ST3GAL1: variants seen among roughly 807,000 people sequenced by gnomAD.
ST3GAL1 encodes CMP-N-acetylneuraminate-beta-galactosamide-alpha-2,3-sialyltransferase 1.
Under a neutral mutation model 34.1 loss-of-function variants are expected in ST3GAL1, and 16 were observed. That is an observed-to-expected ratio of 0.47 (90% confidence interval 0.32 to 0.71). The LOEUF (loss-of-function observed/expected upper bound fraction) is 0.71, where lower values mean the gene tolerates loss of function less well. Among genes scored for constraint, ST3GAL1 ranks in the 30% least tolerant of loss-of-function variants. The pLI, the probability that ST3GAL1 is intolerant of heterozygous loss-of-function variation, is 0.04. For missense variants in ST3GAL1, 353 were observed against 447.4 expected, an observed-to-expected ratio of 0.79 and a Z score of 1.90; for synonymous variants, 191 against 184.7, an observed-to-expected ratio of 1.03 and a Z score of -0.28.
chr8:133,537,617 G>T (rs1053289011), intron 2 of ST3GAL1, among the ~76,000 whole-genome samples: 7 of 152,154 alleles, frequency 4.6e-5, no homozygotes, highest in Non-Finnish European at 7.4e-5. Flanking sequence ...CATCCAGGAG[G>T]GGTGCCAGGC....
rs143831622 is a variant in ST3GAL1, at chr8:133,565,522, T to C, written c.-582+6171A>G. ...GGTGCTACAGCATCCCCTGCTGACT[T>C]CTCTGAATGTGGGCACCATCTCTGG... On this transcript the variant is annotated intron_variant, in intron 1 of 9. Coordinates refer to ENST00000522652, the MANE Select transcript of ST3GAL1 (RefSeq NM_173344.3). Among the ~76,000 whole-genome samples, 511 of 152,240 alleles carry C rather than the reference T, an allele frequency of 3.4e-3. 3 individuals carry two copies. The highest frequency in any genetic ancestry group is 0.012 in the African/African-American group (487 of 41,528).
At chr8:133,472,071 C>T (rs980284045) in intron 5 of ST3GAL1, among the ~76,000 whole-genome samples, 1 of 151,842 alleles carries the variant, frequency 6.6e-6, no homozygotes, top group East Asian at 1.9e-4. Context: ...GACAGAGACC[C>T]GAGGAGAGGG....
chr8:133,545,164 G>C (rs1292134563), intron 2 of ST3GAL1, among the ~76,000 whole-genome samples: 2 of 152,264 alleles, frequency 1.3e-5, no homozygotes, highest in Non-Finnish European at 2.9e-5. Context: ...AAGTGGTTCT[G>C]TGTGGACAGC....
At chr8:133,470,017 T>A (rs1385429998) in intron 5 of ST3GAL1, among the ~76,000 whole-genome samples, 1 of 152,144 alleles carries the variant, frequency 6.6e-6, no homozygotes, top group Non-Finnish European at 1.5e-5. Flanking sequence ...TCATAGTAAG[T>A]CCTCCCCACA....
At chr8:133,543,808 T>C (rs1563735798) in intron 2 of ST3GAL1, among the ~76,000 whole-genome samples, 1 of 152,064 alleles carries the variant, frequency 6.6e-6, no homozygotes, top group Non-Finnish European at 1.5e-5. Context: ...ATCATCATCA[T>C]CATCATCATC....
At position 133,570,127 on chromosome 8, in the gene ST3GAL1, C is replaced by T. The variant is rs375730035; in HGVS notation, c.-582+1566G>A. The T allele has an allele frequency of 5.6e-4, 86 of 152,490 alleles. No individual in the cohort carries two copies. In the East Asian group the frequency reaches 7.1e-3, roughly 13 times the overall value. The allele number at this position is 152,490 out of a possible 1,614,324, so 9.4% of individuals were successfully genotyped here. A position where few individuals can be genotyped will look rare whatever the true frequency, so the allele number is the denominator to read the frequency against. On this transcript the variant is annotated intron_variant, in intron 1 of 9. Transcript: ENST00000522652. The surrounding 1 kb of genome is among the most constrained non-coding windows in gnomAD (Gnocchi z 5.6). ...CCTCTCACCCCGTTTTCCTCGTTGG[C>T]GAGTCGGCCTCGCCTCCTCCTCCCG... is the stretch of plus-strand genomic sequence containing the variant.
At chr8:133,533,054 C>G in intron 2 of ST3GAL1, among the ~76,000 whole-genome samples, 1 of 152,192 alleles carries the variant, frequency 6.6e-6, no homozygotes, top group East Asian at 1.9e-4. Flanking sequence ...AGAGGAATTA[C>G]TCAGGGGCCA....
chr8:133,493,033 C>T (rs74988767), intron 3 of ST3GAL1, among the ~76,000 whole-genome samples: 7,082 of 151,454 alleles, frequency 0.047, 191 homozygotes, highest in Middle Eastern at 0.078. Context: ...GTGCTAGAGA[C>T]AGCTCTGTCC....
In ST3GAL1 at chr8:133,529,135, G is replaced by A. The variant is rs111386759; in HGVS notation, c.-429+16639C>T. 9.1e-3 allele frequency among the ~76,000 whole-genome samples: 1,392 copies of A among 152,306 alleles called. 10 individuals are homozygous for A. Among genetic ancestry groups the A allele is most frequent in the Non-Finnish European group, 0.014 (927 of 68,026 alleles). Reference sequence around the variant, plus strand: ...GGGCAGGGCCAGGCATACGGGGCTCGCGGGCCAACCCCTGTGGTGATGGGT... The same window carrying A: ...GGGCAGGGCCAGGCATACGGGGCTCACGGGCCAACCCCTGTGGTGATGGGT... On this transcript the variant is annotated intron_variant, in intron 2 of 9. Coordinates refer to ENST00000522652, the MANE Select transcript of ST3GAL1 (RefSeq NM_173344.3).
At chr8:133,537,562 T>C (rs1301754984) in intron 2 of ST3GAL1, among the ~76,000 whole-genome samples, 1 of 152,160 alleles carries the variant, frequency 6.6e-6, no homozygotes, top group African/African-American at 2.4e-5. Flanking sequence ...AATCCAATAA[T>C]CATCCTAACA....
chr8:133,512,443 G>T (rs1008018240), intron 2 of ST3GAL1, among the ~76,000 whole-genome samples: 2 of 152,252 alleles, frequency 1.3e-5, no homozygotes, highest in Admixed American at 1.3e-4. Flanking sequence ...TTCAGATTGA[G>T]GGTGGGTCTG....
chr8:133,553,354 C>T (rs1222722896), intron 1 of ST3GAL1, among the ~76,000 whole-genome samples: 1 of 152,198 alleles, frequency 6.6e-6, no homozygotes, highest in East Asian at 1.9e-4. Context: ...ACCAGCCTTG[C>T]CCGTGTGCCT....
At chr8:133,519,600 C>T (rs1409330435) in intron 2 of ST3GAL1, among the ~76,000 whole-genome samples, 1 of 152,120 alleles carries the variant, frequency 6.6e-6, no homozygotes, top group Non-Finnish European at 1.5e-5. Flanking sequence ...TTATCCATAA[C>T]AGAATTACCT....
At chr8:133,496,314 G>A (rs1816944827) in intron 3 of ST3GAL1, among the ~76,000 whole-genome samples, 1 of 152,180 alleles carries the variant, frequency 6.6e-6, no homozygotes, top group Non-Finnish European at 1.5e-5. Flanking sequence ...TTCTGGTTCT[G>A]CAGCCACAGG....
chr8:133,456,260 T>G lies in ST3GAL1; in HGVS notation c.*3504A>C, dbSNP rs981170109. 3 of 152,016 alleles carry G rather than the reference T, an allele frequency of 2.0e-5. No individual in the cohort carries two copies. Among genetic ancestry groups the G allele is most frequent in the Non-Finnish European group, 4.4e-5 (3 of 68,032 alleles). The allele number at this position is 152,016 out of a possible 1,614,324, so 9.4% of individuals were successfully genotyped here. On this transcript the variant is annotated 3_prime_UTR_variant, in exon 10 of 10. Transcript: ENST00000522652. Reference sequence around the variant, plus strand: ...GGAGAGGTGCATGTAGCTCCAGCTATAGCAAATCAGTGCCCTGACTCACTG... The same window carrying G: ...GGAGAGGTGCATGTAGCTCCAGCTAGAGCAAATCAGTGCCCTGACTCACTG...
At chr8:133,563,996 C>T (rs979855061) in intron 1 of ST3GAL1, among the ~76,000 whole-genome samples, 1 of 152,208 alleles carries the variant, frequency 6.6e-6, no homozygotes. Context: ...CTATTCTGCA[C>T]GTCACTTTCA....
chr8:133,523,796 C>T (rs140942865), intron 2 of ST3GAL1, among the ~76,000 whole-genome samples: 2 of 152,332 alleles, frequency 1.3e-5, no homozygotes, highest in East Asian at 1.9e-4. Flanking sequence ...CCCTCGTCCT[C>T]GTCTCTCGAA....
rs1815750244 is a variant in ST3GAL1 at position 133,466,782 on chromosome 8, T to C, written c.307-692A>G. ...ATGCACAAGGCTTCTGCGATCTGCCTAGCAAATTGTTTTCATCTTTTAAGA... is the reference window on the plus strand; with the variant it reads ...ATGCACAAGGCTTCTGCGATCTGCCCAGCAAATTGTTTTCATCTTTTAAGA... On this transcript the variant is annotated intron_variant, in intron 5 of 9. Coordinates refer to ENST00000522652, the MANE Select transcript of ST3GAL1 (RefSeq NM_173344.3). This position sits in a 1 kb window ranked among gnomAD's most constrained non-coding sequence, Gnocchi z 4.4. 6.6e-6 allele frequency among the ~76,000 whole-genome samples: 1 copy of C among 152,184 alleles called. No homozygotes were observed. The highest frequency in any genetic ancestry group is 1.5e-5 in the Non-Finnish European group (1 of 68,018).
intron 3 of ST3GAL1, among the ~76,000 whole-genome samples, chr8:133,485,263 C>T (rs1438477658): frequency 1.3e-5 from 2 of 152,222 alleles, no homozygotes; most frequent in African/African-American, 2.4e-5. Flanking sequence ...ATAGCTGGGA[C>T]GGGCAGGTGG....
Sources: allele counts gnomAD v4.1 joint callset (sites outside exome capture counted in the v4.1 genomes callset), GRCh38; gene constraint gnomAD v4.1.1; non-coding constraint Gnocchi (gnomAD v3.1); transcripts MANE v1.5; gene names NCBI Gene and HGNC (gene_info 2026-07-23, HGNC 2026-07-21).